The following BCAS3 variants were observed in gnomAD, a reference collection of about 807,000 sequenced individuals.
BCAS3 encodes the protein BCAS4/BCAS3 fusion.
A neutral mutation model predicts 116.1 loss-of-function variants in BCAS3; 53 were observed. That is an observed-to-expected ratio of 0.46 (90% CI 0.37 to 0.57). The LOEUF is 0.57. Ranked by LOEUF, BCAS3 falls within the 20% of genes least tolerant of loss-of-function variation. The probability of loss-of-function intolerance (pLI) is 0.00; values close to 1 mark genes in which losing one functional copy is unlikely to be tolerated. For missense variants in BCAS3, 917 were observed against 1,165.4 expected (o/e 0.79, Z 3.10); for synonymous variants, 391 against 408.2 (o/e 0.96, Z 0.51).
rs1217375879 is a variant in BCAS3 at position 61,074,901 on chromosome 17, T to C, written c.2030-19T>C. 1.3e-6 allele frequency: 2 copies of C among 1,565,534 alleles called. No homozygotes were observed. Among genetic ancestry groups the C allele is most frequent in the African/African-American group, 2.7e-5 (2 of 73,760 alleles). Reference sequence around the variant, plus strand: ...TGCATGGAATGAAGTGGTTTAAATCTATTTTCTTTCTCCTATAGTGGTTCC... The same window carrying C: ...TGCATGGAATGAAGTGGTTTAAATCCATTTTCTTTCTCCTATAGTGGTTCC... On this transcript the variant is annotated intron_variant, in intron 19 of 23. Coordinates refer to ENST00000407086, the MANE Select transcript of BCAS3 (RefSeq NM_017679.5).
intron 7 of BCAS3, among the ~76,000 whole-genome samples, chr17:60,817,088 T>C (rs1568314970): frequency 6.6e-6 from 1 of 152,204 alleles, no homozygotes; most frequent in Non-Finnish European, 1.5e-5. Flanking sequence ...TAGTAATAAA[T>C]ACATTGCCCC....
chr17:61,111,218 G>A (rs901330302), intron 22 of BCAS3, among the ~76,000 whole-genome samples: 25 of 152,196 alleles, frequency 1.6e-4, no homozygotes, highest in African/African-American at 5.8e-4. Flanking sequence ...CACCAGCAAC[G>A]GAACAAAGGT....
chr17:61,167,106 T>C (rs867290738), intron 22 of BCAS3, among the ~76,000 whole-genome samples: 16 of 152,192 alleles, frequency 1.1e-4, no homozygotes, highest in African/African-American at 3.9e-4. Context: ...ATTGAATGCT[T>C]ATTGTGTTTT....
chr17:60,930,896 G>A, intron 13 of BCAS3, among the ~76,000 whole-genome samples: 1 of 152,184 alleles, frequency 6.6e-6, no homozygotes, highest in East Asian at 1.9e-4. Flanking sequence ...TGTACATGAT[G>A]GAATAACACT....
rs550474987 is a variant in BCAS3 at position 61,170,373 on chromosome 17, A to C, written c.2425+85809A>C. ...AGTGGTGCGACCTTGGCTCACTGCA[A>C]GCTCCACCTCGAGGGTTCACACCAT... On this transcript the variant is annotated intron_variant, in intron 22 of 23. Transcript: ENST00000407086. Among the ~76,000 whole-genome samples the C allele has an allele frequency of 2.8e-3, 425 of 151,862 alleles. 3 individuals carry two copies. Among genetic ancestry groups the C allele is most frequent in the African/African-American group, 9.7e-3 (403 of 41,402 alleles).
rs545142593 is a variant in BCAS3 at position 60,881,738 on chromosome 17, A to G, written c.661+7000A>G. Among the ~76,000 whole-genome samples, 153 of 151,312 alleles carry G rather than the reference A, an allele frequency of 1.0e-3. 1 individual carries two copies. Among genetic ancestry groups the G allele is most frequent in the Admixed American group, 2.3e-3 (35 of 15,214 alleles). On this transcript the variant is annotated intron_variant, in intron 9 of 23. Transcript: ENST00000407086. Reference sequence around the variant, plus strand: ...AGTTTACTGAGAATGATGATTTCCAATTTCATCTATGTCCCTACAAAGGAC... The same window carrying G: ...AGTTTACTGAGAATGATGATTTCCAGTTTCATCTATGTCCCTACAAAGGAC...
intron 5 of BCAS3, chr17:60,720,131 G>GTTTTCTTTTC (rs140582022): frequency 6.6e-6 from 1 of 151,838 alleles, no homozygotes; most frequent in East Asian, 1.9e-4. Flanking sequence ...TGGCAACTTA[G>GTTTTCTTTTC]TTTTCTTTTC....
chr17:60,952,499 T>C (rs2060899270), intron 14 of BCAS3, among the ~76,000 whole-genome samples: 1 of 152,082 alleles, frequency 6.6e-6, no homozygotes, highest in South Asian at 2.1e-4. Flanking sequence ...TTTGTGTTTT[T>C]AGTAGAGACG....
Position 60,952,900 on chromosome 17 carries a change from G to A in BCAS3, c.1221+5548G>A, listed in dbSNP as rs974722232. ...TCTATTCCTGTATTAGTTTGCTAAG[G>A]ATAATGCCCTCCAGCTCCATCCACG... On this transcript the variant is annotated intron_variant, in intron 14 of 23. Coordinates refer to ENST00000407086, the MANE Select transcript of BCAS3 (RefSeq NM_017679.5). 7.2e-5 allele frequency among the ~76,000 whole-genome samples: 11 copies of A among 152,040 alleles called. No individual in the cohort carries two copies. In the South Asian group the frequency reaches 1.9e-3, roughly 26 times the overall value.
In BCAS3 at chr17:61,008,459, A is replaced by G. The variant is rs1213304034; in HGVS notation, c.1487-7292A>G. On this transcript the variant is annotated intron_variant, in intron 15 of 23. Transcript: ENST00000407086. This position sits in a 1 kb window ranked among gnomAD's most constrained non-coding sequence, Gnocchi z 4.6. ...TTAATGTTAAATTGGATGGCAAGCA[A>G]GAACTAAGCAGTGTTTTTAACTTTT... 1.3e-5 allele frequency among the ~76,000 whole-genome samples: 2 copies of G among 152,090 alleles called. No homozygotes were observed. Among genetic ancestry groups the G allele is most frequent in the Non-Finnish European group, 2.9e-5 (2 of 67,976 alleles).
At chr17:61,114,325 T>C (rs1187518834) in intron 22 of BCAS3, among the ~76,000 whole-genome samples, 1 of 143,244 alleles carries the variant, frequency 7.0e-6, no homozygotes, top group Non-Finnish European at 1.5e-5. Flanking sequence ...GACATGATTG[T>C]ATATCTAGAA....
In BCAS3 at chr17:61,367,058, T is replaced by C. The variant is rs571449209; in HGVS notation, c.2426-1269T>C. Among the ~76,000 whole-genome samples the C allele has an allele frequency of 6.6e-6, 1 of 152,332 alleles. No individual in the cohort carries two copies. The highest frequency in any genetic ancestry group is 1.9e-4 in the East Asian group (1 of 5,180). ...GGCTCGCACCCTCTCTATTACCACC[T>C]GTCATTGGCAGGGAGTGTGTGCTGA... On this transcript the variant is annotated intron_variant, in intron 22 of 23. Coordinates refer to ENST00000407086, the MANE Select transcript of BCAS3 (RefSeq NM_017679.5). The surrounding 1 kb of genome is among the most constrained non-coding windows in gnomAD (Gnocchi z 6.2).
Position 61,007,252 on chromosome 17 carries a change from G to T in BCAS3, c.1487-8499G>T, listed in dbSNP as rs7223747. Among the ~76,000 whole-genome samples, 23,352 of 151,752 alleles carry T rather than the reference G, an allele frequency of 0.15. 5,692 individuals carry two copies. Among genetic ancestry groups the T allele is most frequent in the African/African-American group, 0.52 (21,407 of 41,330 alleles). ...TGTTGATTTCATCTCCTTTTCTAGG[G>T]AATTTTTGCCTCCTAAGTTTTCAAT... On this transcript the variant is annotated intron_variant, in intron 15 of 23. Coordinates refer to ENST00000407086, the MANE Select transcript of BCAS3 (RefSeq NM_017679.5). This position sits in a 1 kb window ranked among gnomAD's most constrained non-coding sequence, Gnocchi z 4.3.
In BCAS3 at chr17:61,017,873, GTCC is replaced by G. The variant is rs1258268423; in HGVS notation, c.1637+1977_1637+1979del. Reference sequence around the variant, plus strand: ...GAATAGAAACTGTTAGTCATTTGGTGTCCTCCTGTGTTACTACACATTATGAAT... The same window carrying G: ...GAATAGAAACTGTTAGTCATTTGGTGTCCTGTGTTACTACACATTATGAAT... On this transcript the variant is annotated intron_variant, in intron 16 of 23. Transcript: ENST00000407086. The surrounding 1 kb of genome is among the most constrained non-coding windows in gnomAD (Gnocchi z 4.7). 6.6e-6 allele frequency among the ~76,000 whole-genome samples: 1 copy of G among 152,036 alleles called. No homozygotes were observed. Among genetic ancestry groups the G allele is most frequent in the Non-Finnish European group, 1.5e-5 (1 of 67,992 alleles).
rs1238677159 is a variant in BCAS3, at chr17:61,307,717, G to C, written c.2426-60610G>C. On this transcript the variant is annotated intron_variant, in intron 22 of 23. Transcript: ENST00000407086. The surrounding 1 kb of genome is among the most constrained non-coding windows in gnomAD (Gnocchi z 4.7). ...ACTTTTTCCCAAGTGTTCTAGAAAG[G>C]GTTACATTCCTGAGTAGGGTCTTAA... Among the ~76,000 whole-genome samples the C allele has an allele frequency of 6.6e-6, 1 of 152,182 alleles. No individual in the cohort carries two copies. The highest frequency in any genetic ancestry group is 1.5e-5 in the Non-Finnish European group (1 of 68,040).
rs34499099 is a variant in BCAS3 at position 61,223,151 on chromosome 17, CTTTT to C, written c.2425+138608_2425+138611del. On this transcript the variant is annotated intron_variant, in intron 22 of 23. Coordinates refer to ENST00000407086, the MANE Select transcript of BCAS3 (RefSeq NM_017679.5). ...TTCAATATGTGACAGGATGCAGCGC[CTTTT>C]TTTTTTTTTTTTTTTTTTTTGAGAC... 5.5e-3 allele frequency among the ~76,000 whole-genome samples: 432 copies of C among 79,072 alleles called. 4 individuals are homozygous for C. The highest frequency in any genetic ancestry group is 0.021 in the African/African-American group (402 of 19,020). The allele number at this position is 79,072 out of a possible 152,430, so 51.9% of individuals were successfully genotyped here. A position where few individuals can be genotyped will look rare whatever the true frequency, so the allele number is the denominator to read the frequency against.
chr17:61,004,717 A>C lies in BCAS3; in HGVS notation c.1487-11034A>C, dbSNP rs2064526796. 6.6e-6 allele frequency among the ~76,000 whole-genome samples: 1 copy of C among 152,160 alleles called. No individual in the cohort carries two copies. Among genetic ancestry groups the C allele is most frequent in the East Asian group, 1.9e-4 (1 of 5,194 alleles). On this transcript the variant is annotated intron_variant, in intron 15 of 23. Transcript: ENST00000407086. The surrounding 1 kb of genome is among the most constrained non-coding windows in gnomAD (Gnocchi z 4.8). The stretch of plus-strand genomic sequence containing the variant: ...AGGAAAAGGATTTAAGGTTCATTGA[A>C]AGAGTTATTAACATTGGATGATGTG...
At position 61,379,936 on chromosome 17, in the gene BCAS3, C is replaced by T. The variant is rs1157644824; in HGVS notation, c.2593+11442C>T. ...GCCATCTCCATGCTGGTGTGTGTGACTGTTTGGTGCTGACCCGAGGGGTGG... is the reference window on the plus strand; with the variant it reads ...GCCATCTCCATGCTGGTGTGTGTGATTGTTTGGTGCTGACCCGAGGGGTGG... On this transcript the variant is annotated intron_variant, in intron 23 of 23. Coordinates refer to ENST00000407086, the MANE Select transcript of BCAS3 (RefSeq NM_017679.5). This position sits in a 1 kb window ranked among gnomAD's most constrained non-coding sequence, Gnocchi z 5.5. The T allele has an allele frequency of 6.5e-6, 1 of 153,134 alleles. No homozygotes were observed. Among genetic ancestry groups the T allele is most frequent in the Non-Finnish European group, 1.5e-5 (1 of 68,760 alleles). 9.5% of individuals were successfully genotyped at this position (153,134 alleles called of 1,614,324 possible). A position where few individuals can be genotyped will look rare whatever the true frequency, so the allele number is the denominator to read the frequency against.
At chr17:61,081,627 C>T (rs2072617469) in intron 21 of BCAS3, among the ~76,000 whole-genome samples, 1 of 152,154 alleles carries the variant, frequency 6.6e-6, no homozygotes, top group African/African-American at 2.4e-5. Flanking sequence ...AAACTTTCAG[C>T]AGGTAAGCTT....
Sources: allele counts gnomAD v4.1 joint callset (sites outside exome capture counted in the v4.1 genomes callset), GRCh38; gene constraint gnomAD v4.1.1; non-coding constraint Gnocchi (gnomAD v3.1); transcripts MANE v1.5; gene names NCBI Gene and HGNC (gene_info 2026-07-23, HGNC 2026-07-21).